The following PARD3B variants were observed in gnomAD, a reference collection of about 807,000 sequenced individuals.
The protein encoded by PARD3B is par-3 family cell polarity regulator beta, also known as partitioning defective 3 homolog B.
A neutral mutation model predicts 130.2 loss-of-function variants in PARD3B; 103 were observed. The ratio of observed to expected loss-of-function variants is 0.79; its 90% CI spans 0.67 to 0.93. PARD3B has a LOEUF of 0.93. Among genes scored for constraint, PARD3B ranks in the 40% least tolerant of loss-of-function variants. PARD3B has a pLI of 0.00. For synonymous variants in PARD3B, 583 were observed against 553.2 expected (o/e 1.05, Z -0.76); for missense variants, 1,609 against 1,499.2 (o/e 1.07, Z -1.21).
intron 18 of PARD3B, among the ~76,000 whole-genome samples, chr2:205,378,877 G>T (rs1051925824): frequency 6.6e-6 from 1 of 151,634 alleles, no homozygotes; most frequent in Admixed American, 6.6e-5. Context: ...TGATCTGCCC[G>T]CCTCGGCCTC....
intron 2 of PARD3B, among the ~76,000 whole-genome samples, chr2:204,934,302 A>G (rs371646627): frequency 1.8e-4 from 28 of 152,216 alleles, no homozygotes; most frequent in African/African-American, 6.8e-4. Flanking sequence ...CATGAGAGAA[A>G]CAGTGACACT....
chr2:205,172,648 C>A (rs1292444023), intron 12 of PARD3B, among the ~76,000 whole-genome samples: 1 of 152,156 alleles, frequency 6.6e-6, no homozygotes, highest in Non-Finnish European at 1.5e-5. Flanking sequence ...TGTTCATAAA[C>A]ATCTTTATAT....
chr2:204,693,840 G>A (rs1441015230), intron 2 of PARD3B, among the ~76,000 whole-genome samples: 1 of 151,850 alleles, frequency 6.6e-6, no homozygotes, highest in Admixed American at 6.6e-5. Context: ...CCTGCCCATC[G>A]AAGATTCAGT....
intron 1 of PARD3B, among the ~76,000 whole-genome samples, chr2:204,672,960 G>A (rs2036375411): frequency 6.6e-6 from 1 of 152,198 alleles, no homozygotes; most frequent in East Asian, 1.9e-4. Flanking sequence ...AGAGTCTGTT[G>A]TCAAGAAAGA....
At chr2:205,518,466 C>CAGGTGTCATTTCATGT (rs2050887233) in intron 21 of PARD3B, among the ~76,000 whole-genome samples, 1 of 151,882 alleles carries the variant, frequency 6.6e-6, no homozygotes, top group African/African-American at 2.4e-5. Flanking sequence ...TTTGAGCCTA[C>CAGGTGTCATTTCATGT]AGGTGTCATT....
In PARD3B at chr2:205,078,625, T is replaced by A. The variant is rs1411109488; in HGVS notation, c.505-25801T>A. Among the ~76,000 whole-genome samples, 2 of 152,220 alleles carry A rather than the reference T, an allele frequency of 1.3e-5. No individual in the cohort carries two copies. Among genetic ancestry groups the A allele is most frequent in the Non-Finnish European group, 2.9e-5 (2 of 68,038 alleles). On this transcript the variant is annotated intron_variant, in intron 4 of 22. Coordinates refer to ENST00000406610, the MANE Select transcript of PARD3B (RefSeq NM_001302769.2). The surrounding 1 kb of genome is among the most constrained non-coding windows in gnomAD (Gnocchi z 4.0). ...ATTGTCAAACATGTTAATAAAATAT[T>A]TGACACTGTTTCAGTGAAGAGCTGA...
chr2:204,990,659 C>A (rs1306727762), intron 3 of PARD3B, among the ~76,000 whole-genome samples: 2 of 152,016 alleles, frequency 1.3e-5, no homozygotes, highest in East Asian at 3.9e-4. Context: ...GTGTATGCTA[C>A]AAATATCTTG....
chr2:204,602,646 AAGAG>A (rs1403007371), intron 1 of PARD3B, among the ~76,000 whole-genome samples: 1 of 151,890 alleles, frequency 6.6e-6, no homozygotes, highest in Non-Finnish European at 1.5e-5. Context: ...CCCTATTTAA[AAGAG>A]AGATCAAATC....
intron 3 of PARD3B, among the ~76,000 whole-genome samples, chr2:205,043,771 T>A (rs1329622290): frequency 6.6e-6 from 1 of 152,130 alleles, no homozygotes. Flanking sequence ...TGTTGTGCAT[T>A]AGGACTTACC....
At chr2:205,120,154 TAATG>T (rs2030506753) in intron 7 of PARD3B, among the ~76,000 whole-genome samples, 1 of 152,190 alleles carries the variant, frequency 6.6e-6, no homozygotes, top group South Asian at 2.1e-4. Flanking sequence ...TGTGTTAAAA[TAATG>T]AATGATAGAC....
chr2:204,613,930 T>C (rs1482571108), intron 1 of PARD3B, among the ~76,000 whole-genome samples: 1 of 152,174 alleles, frequency 6.6e-6, no homozygotes, highest in Non-Finnish European at 1.5e-5. Context: ...GGGTGAACCT[T>C]ACATTGTTCA....
Position 205,120,870 on chromosome 2 carries a change from G to T in PARD3B, c.807-721G>T, listed in dbSNP as rs2030622060. Among the ~76,000 whole-genome samples, 2 of 152,224 alleles carry T rather than the reference G, an allele frequency of 1.3e-5. 1 individual carries two copies. The highest frequency in any genetic ancestry group is 2.9e-5 in the Non-Finnish European group (2 of 68,038). ...CTTCTGGGCAAGAAAGAGTGGGAAA[G>T]GTAGTTGTTTGACCTGGGCACAGGG... On this transcript the variant is annotated intron_variant, in intron 7 of 22. Transcript: ENST00000406610.
chr2:204,643,746 T>C (rs985487161), intron 1 of PARD3B, among the ~76,000 whole-genome samples: 2 of 152,098 alleles, frequency 1.3e-5, no homozygotes, highest in East Asian at 1.9e-4. Flanking sequence ...ACCCCTCTTA[T>C]AAAGGATACT....
chr2:204,692,173 TG>T (rs2037386305), intron 2 of PARD3B, among the ~76,000 whole-genome samples: 1 of 152,122 alleles, frequency 6.6e-6, no homozygotes, highest in African/African-American at 2.4e-5. Flanking sequence ...TGAAGTATTT[TG>T]TTCTACTTTA....
chr2:205,104,326 C>A, intron 4 of PARD3B, 100 bp from the exon 5 acceptor site: 1 of 794,828 alleles, frequency 1.3e-6, no homozygotes, highest in Non-Finnish European at 2.2e-6. Context: ...CTGTATATAT[C>A]CAGCGTAAAG....
chr2:205,059,123 G>C (rs1285224019), intron 4 of PARD3B, among the ~76,000 whole-genome samples: 1 of 151,758 alleles, frequency 6.6e-6, no homozygotes, highest in Non-Finnish European at 1.5e-5. Flanking sequence ...ATTAGATAAG[G>C]GTCCAACTTC....
intron 20 of PARD3B, among the ~76,000 whole-genome samples, chr2:205,484,470 G>T (rs1439379391): frequency 6.6e-6 from 1 of 152,146 alleles, no homozygotes; most frequent in Non-Finnish European, 1.5e-5. Flanking sequence ...AATTAATTGG[G>T]GTATTATTTA....
chr2:205,067,724 T>C (rs1383302228), intron 4 of PARD3B, among the ~76,000 whole-genome samples: 1 of 152,200 alleles, frequency 6.6e-6, no homozygotes, highest in African/African-American at 2.4e-5. Context: ...TTTAAAATAA[T>C]AAATTTTGTT....
intron 18 of PARD3B, among the ~76,000 whole-genome samples, chr2:205,314,843 C>T (rs116106878): frequency 0.013 from 1,916 of 152,246 alleles, 34 homozygotes; most frequent in African/African-American, 0.044. Flanking sequence ...ACCAGCTCAT[C>T]CTGACTCTCC....
Sources: gnomAD v4.1 joint callset for allele counts (sites outside exome capture counted in the v4.1 genomes callset) on GRCh38, gnomAD v4.1.1 for gene constraint, Gnocchi (gnomAD v3.1) non-coding constraint, MANE v1.5 for transcripts, NCBI Gene and HGNC (gene_info 2026-07-23, HGNC 2026-07-21) for gene names.